Variants in MTUS2 observed in about 807,000 individuals in gnomAD.
The protein encoded by MTUS2 is microtubule associated scaffold protein 2.
MTUS2 carries 40 observed loss-of-function variants against 114.1 expected under a neutral mutation model. The observed-to-expected ratio is 0.35, with a 90% CI of 0.27 to 0.46. The LOEUF is 0.46. Ranked by LOEUF, MTUS2 falls within the 20% of genes least tolerant of loss-of-function variation. The probability of loss-of-function intolerance (pLI) is 1.00; values close to 1 mark genes in which losing one functional copy is unlikely to be tolerated. For missense variants in MTUS2, 1,679 were observed against 1,705.4 expected, an observed-to-expected ratio of 0.98 and a Z score of 0.27; for synonymous variants, 688 against 672.0, an observed-to-expected ratio of 1.02 and a Z score of -0.37.
intron 2 of MTUS2, among the ~76,000 whole-genome samples, chr13:28,872,866 A>C (rs1331368308): frequency 6.6e-6 from 1 of 152,182 alleles, no homozygotes; most frequent in Admixed American, 6.5e-5. Flanking sequence ...GGGCATAAGC[A>C]ATGTTTGATG....
In MTUS2 at chr13:29,505,763, GCCCCTGCC is replaced by G. The variant is rs1883199189; in HGVS notation, c.*2559_*2566del. The G allele has an allele frequency of 4.4e-6, 1 of 228,970 alleles. No homozygotes were observed. The allele number at this position is 228,970 out of a possible 1,614,324, so 14.2% of individuals were successfully genotyped here. A position where few individuals can be genotyped will look rare whatever the true frequency, so the allele number is the denominator to read the frequency against. On this transcript the variant is annotated 3_prime_UTR_variant, in exon 16 of 16. Transcript: ENST00000612955. The stretch of plus-strand genomic sequence containing the variant: ...GTGGGCGGCCTGCCCCCCGACCGCC[GCCCCTGCC>G]CACCACATGCTGGGACAAGGTTCTG...
intron 5 of MTUS2, among the ~76,000 whole-genome samples, chr13:29,224,145 G>T (rs2139333686): frequency 1.3e-5 from 2 of 152,304 alleles, no homozygotes. Flanking sequence ...GAGCCCAGTG[G>T]ACCCAAGCAA....
At chr13:29,318,891 T>C (rs1239508301) in intron 6 of MTUS2, among the ~76,000 whole-genome samples, 1 of 152,204 alleles carries the variant, frequency 6.6e-6, no homozygotes, top group Non-Finnish European at 1.5e-5. Flanking sequence ...TCTGGGTTTG[T>C]AGTGATTGGC....
At chr13:29,324,752 G>C (rs928659) in intron 7 of MTUS2, 41 bp downstream of exon 7, 1,241,669 of 1,454,852 alleles carry the variant, frequency 0.85, 535,583 homozygotes, top group East Asian at 0.91. Flanking sequence ...GGAATGACTT[G>C]AACTTGGAAT....
At chr13:28,907,283 AGCCACT>A (rs1555272285) in intron 2 of MTUS2, among the ~76,000 whole-genome samples, 1 of 151,736 alleles carries the variant, frequency 6.6e-6, no homozygotes, top group Non-Finnish European at 1.5e-5. Flanking sequence ...AACCGGTACC[AGCCACT>A]GCAAAAACAT....
chr13:28,930,096 AC>A (rs1881534148), intron 2 of MTUS2, among the ~76,000 whole-genome samples: 1 of 151,916 alleles, frequency 6.6e-6, no homozygotes. Flanking sequence ...TTATGTGATA[AC>A]TTTTTCAAGA....
At chr13:28,877,048 T>A (rs1007408754) in intron 2 of MTUS2, among the ~76,000 whole-genome samples, 1 of 151,580 alleles carries the variant, frequency 6.6e-6, no homozygotes, top group Non-Finnish European at 1.5e-5. Flanking sequence ...ATCCCAGGAT[T>A]TTGGGAGGCC....
At chr13:29,495,347 GTCTT>G (rs1192323553) in intron 12 of MTUS2, among the ~76,000 whole-genome samples, 3 of 108,600 alleles carry the variant, frequency 2.8e-5, no homozygotes, top group African/African-American at 1.1e-4. Context: ...GACAGAGTGA[GTCTT>G]TGTCAAAAAA....
chr13:28,876,868 G>C (rs749415255), intron 2 of MTUS2, among the ~76,000 whole-genome samples: 3 of 152,078 alleles, frequency 2.0e-5, no homozygotes, highest in Non-Finnish European at 4.4e-5. Flanking sequence ...CACATAATAG[G>C]TTGTTGATAA....
chr13:29,036,141 C>CA (rs397851632), intron 4 of MTUS2, among the ~76,000 whole-genome samples: 913 of 31,500 alleles, frequency 0.029, 23 homozygotes, highest in African/African-American at 0.054. Context: ...GAGACTGTCT[C>CA]AAAAAAAAAA....
intron 1 of MTUS2, among the ~76,000 whole-genome samples, chr13:28,827,935 A>C (rs924744835): frequency 1.3e-5 from 2 of 152,206 alleles, no homozygotes; most frequent in African/African-American, 4.8e-5. Flanking sequence ...TTGGGCATGC[A>C]TTGTCATTGA....
intron 4 of MTUS2, among the ~76,000 whole-genome samples, chr13:29,099,377 C>A (rs751052818): frequency 1.3e-5 from 2 of 152,166 alleles, no homozygotes; most frequent in African/African-American, 2.4e-5. Context: ...CATCAGGAAC[C>A]CACAGCTGTG....
intron 2 of MTUS2, among the ~76,000 whole-genome samples, chr13:28,887,883 C>T (rs1342613526): frequency 6.6e-6 from 1 of 152,218 alleles, no homozygotes; most frequent in Non-Finnish European, 1.5e-5. Flanking sequence ...TTACCTCTGC[C>T]TGGAAGTCCC....
In MTUS2 at chr13:29,021,338, T is replaced by A. The variant is rs538616706; in HGVS notation, c.-242-3119T>A. ...CTAGGAGGTTCCACCTTTCTTTCTG[T>A]CCCCTTACCAGTGAGTACCAGTTGT... On this transcript the variant is annotated intron_variant, in intron 2 of 15. Transcript: ENST00000612955. Among the ~76,000 whole-genome samples the A allele has an allele frequency of 3.9e-5, 6 of 152,316 alleles. No homozygotes were observed. The South Asian group carries it at 1.2e-3, about 32-fold the overall frequency.
intron 5 of MTUS2, among the ~76,000 whole-genome samples, chr13:29,255,333 T>C (rs1897256030): frequency 6.6e-6 from 1 of 152,150 alleles, no homozygotes; most frequent in Admixed American, 6.5e-5. Context: ...GTTAGATGAG[T>C]TTCCACTGGG....
In MTUS2 at chr13:29,476,477, T is replaced by A. The variant is rs1323307518; in HGVS notation, c.3185-3673T>A. 1.3e-5 allele frequency: 2 copies of A among 152,226 alleles called. 1 individual carries two copies. The highest frequency in any genetic ancestry group is 1.3e-4 in the Admixed American group (2 of 15,286). The allele number at this position is 152,226 out of a possible 1,614,324, so 9.4% of individuals were successfully genotyped here. Reference sequence around the variant, plus strand: ...ATCTAAATTTATCCTCTGAGATATATTCCATGTTATGTTAGTTTTTTAAAA... The same window carrying A: ...ATCTAAATTTATCCTCTGAGATATAATCCATGTTATGTTAGTTTTTTAAAA... On this transcript the variant is annotated intron_variant, in intron 9 of 15. Transcript: ENST00000612955.
intron 2 of MTUS2, among the ~76,000 whole-genome samples, chr13:28,994,376 C>G (rs1370217266): frequency 3.3e-5 from 5 of 152,154 alleles, no homozygotes; most frequent in Non-Finnish European, 7.3e-5. Context: ...GTGCATGCGT[C>G]TTTATAGCAG....
chr13:29,022,628 A>G (rs1266232328), intron 2 of MTUS2, among the ~76,000 whole-genome samples: 1 of 152,276 alleles, frequency 6.6e-6, no homozygotes, highest in Non-Finnish European at 1.5e-5. Context: ...GTGCTTGCAC[A>G]TTCTTGATGA....
intron 2 of MTUS2, among the ~76,000 whole-genome samples, chr13:28,922,087 A>G (rs1052398634): frequency 5.9e-5 from 9 of 152,272 alleles, no homozygotes; most frequent in Middle Eastern, 3.4e-3. Flanking sequence ...TGTTTTCATG[A>G]TAGTGAGTGA....
Sources: allele counts gnomAD v4.1 joint callset (sites outside exome capture counted in the v4.1 genomes callset), GRCh38; gene constraint gnomAD v4.1.1; transcripts MANE v1.5; gene names NCBI Gene and HGNC (gene_info 2026-07-23, HGNC 2026-07-21).